Variants in CFAP20DC observed in about 807,000 individuals in gnomAD.
CFAP20DC encodes protein CFAP20DC.
Under a neutral mutation model 101.7 loss-of-function variants are expected in CFAP20DC, and 84 were observed. That is an observed-to-expected ratio of 0.83 (90% CI 0.69 to 0.99). The LOEUF (loss-of-function observed/expected upper bound fraction) is 0.99, where lower values mean the gene tolerates loss of function less well. Ranked by LOEUF, CFAP20DC falls within the 50% of genes least tolerant of loss-of-function variation. CFAP20DC has a pLI of 0.00. For synonymous variants in CFAP20DC, 359 were observed against 351.2 expected (o/e 1.02, Z -0.25); for missense variants, 1,007 against 970.3 (o/e 1.04, Z -0.50).
At chr3:58,934,005 C>G in intron 5 of CFAP20DC, among the ~76,000 whole-genome samples, 1 of 151,852 alleles carries the variant, frequency 6.6e-6, no homozygotes, top group East Asian at 1.9e-4. Flanking sequence ...AAAGGATCAA[C>G]AAAATTGATA....
Position 58,884,808 on chromosome 3 carries a change from G to A in CFAP20DC, c.551-99C>T, listed in dbSNP as rs573127042. ...ATCAATTAAAATTAAAGATTTTAGC[G>A]TATGACTTTGTACGAGTTATTCAAC... On this transcript the variant is annotated intron_variant, in intron 6 of 16. Transcript: ENST00000482387. 35 of 974,050 alleles carry A rather than the reference G, an allele frequency of 3.6e-5. No homozygotes were observed. In the Middle Eastern group the frequency reaches 6.8e-4, roughly 19 times the overall value. 60.3% of individuals were successfully genotyped at this position (974,050 alleles called of 1,614,324 possible).
In CFAP20DC at chr3:58,914,960, T is replaced by C. The variant is rs2084524243; in HGVS notation, c.394-1096A>G. 1.3e-5 allele frequency: 2 copies of C among 152,128 alleles called. No individual in the cohort carries two copies. The highest frequency in any genetic ancestry group is 1.5e-5 in the Non-Finnish European group (1 of 68,040). 9.4% of individuals were successfully genotyped at this position (152,128 alleles called of 1,614,324 possible). On this transcript the variant is annotated intron_variant, in intron 5 of 16. Coordinates refer to ENST00000482387, the MANE Select transcript of CFAP20DC (RefSeq NM_001394063.1). The surrounding 1 kb of genome is among the most constrained non-coding windows in gnomAD (Gnocchi z 4.9). ...AACTGAGAGTCAAGTAATAGTGTGA[T>C]TGGCTTGACTGGCAGAATGGTGAAC...
At chr3:58,980,713 A>G (rs2092498671) in intron 4 of CFAP20DC, among the ~76,000 whole-genome samples, 1 of 152,220 alleles carries the variant, frequency 6.6e-6, no homozygotes, top group Non-Finnish European at 1.5e-5. Context: ...TCTCAAAATA[A>G]TAAGAGCCAT....
At chr3:58,963,058 A>C (rs2091266631) in intron 4 of CFAP20DC, among the ~76,000 whole-genome samples, 1 of 152,054 alleles carries the variant, frequency 6.6e-6, no homozygotes, top group South Asian at 2.1e-4. Context: ...AAATCAAGTC[A>C]GCTCGCTCTG....
In CFAP20DC at chr3:59,041,318, AAG is replaced by A. The variant is rs553118684; in HGVS notation, c.206-1691_206-1690del. Among the ~76,000 whole-genome samples, 15 of 152,282 alleles carry A rather than the reference AAG, an allele frequency of 9.9e-5. 1 individual carries two copies. The South Asian group carries it at 3.1e-3, about 32-fold the overall frequency. On this transcript the variant is annotated intron_variant, in intron 3 of 16. Transcript: ENST00000482387. The stretch of plus-strand genomic sequence containing the variant: ...ATAAAAGAGTTCTTACCCTCAAAAA[AAG>A]AAAGTTTTGTAATTCAACTTTCTCA...
chr3:58,840,892 G>A lies in CFAP20DC; in HGVS notation c.1971+8140C>T, dbSNP rs1575847909. Among the ~76,000 whole-genome samples the A allele has an allele frequency of 3.9e-5, 6 of 152,306 alleles. No individual in the cohort carries two copies. The East Asian group carries it at 1.2e-3, about 29-fold the overall frequency. On this transcript the variant is annotated intron_variant, in intron 13 of 16. Coordinates refer to ENST00000482387, the MANE Select transcript of CFAP20DC (RefSeq NM_001394063.1). ...CAAGACATTAAGAAATGTGTCCAAGGTTGCATAGATAAGAAAGAACAAAGC... is the reference window on the plus strand; with the variant it reads ...CAAGACATTAAGAAATGTGTCCAAGATTGCATAGATAAGAAAGAACAAAGC...
rs1319652128 is a variant in CFAP20DC, at chr3:58,742,136, TTGAA to T, written c.*320_*323del. ...TTTACAGATTAACACTGCAAAAAAT[TTGAA>T]TGAATAACTCTTAATTTGTTTACAT... On this transcript the variant is annotated 3_prime_UTR_variant, in exon 17 of 17. Coordinates refer to ENST00000482387, the MANE Select transcript of CFAP20DC (RefSeq NM_001394063.1). The T allele has an allele frequency of 1.5e-5, 14 of 923,856 alleles. No individual in the cohort carries two copies. The highest frequency in any genetic ancestry group is 5.5e-4 in the Middle Eastern group (1 of 1,810). 57.2% of individuals were successfully genotyped at this position (923,856 alleles called of 1,614,324 possible). A position where few individuals can be genotyped will look rare whatever the true frequency, so the allele number is the denominator to read the frequency against.
chr3:58,937,244 C>T (rs139990479), intron 5 of CFAP20DC, among the ~76,000 whole-genome samples: 20 of 152,292 alleles, frequency 1.3e-4, no homozygotes, highest in Non-Finnish European at 2.6e-4. Flanking sequence ...CCAGCGTCCA[C>T]GCTTCTGTCC....
At chr3:58,906,200 G>T (rs17059941) in intron 6 of CFAP20DC, among the ~76,000 whole-genome samples, 16,439 of 152,132 alleles carry the variant, frequency 0.11, 2,913 homozygotes, top group African/African-American at 0.37. Flanking sequence ...GCTGTAATCA[G>T]CACCACAATC....
At chr3:59,012,396 T>G (rs2093603835) in intron 4 of CFAP20DC, among the ~76,000 whole-genome samples, 1 of 150,076 alleles carries the variant, frequency 6.7e-6, no homozygotes, top group Admixed American at 6.7e-5. Context: ...AAGAAAGGAG[T>G]GAAGACTGGA....
chr3:58,870,926 A>G (rs1426832542), intron 7 of CFAP20DC, among the ~76,000 whole-genome samples: 3 of 142,712 alleles, frequency 2.1e-5, no homozygotes, highest in African/African-American at 5.5e-5. Flanking sequence ...AAAAAAAAAG[A>G]AAAAAGGAAA....
intron 15 of CFAP20DC, among the ~76,000 whole-genome samples, chr3:58,775,229 G>T (rs1364408607): frequency 6.6e-6 from 1 of 152,196 alleles, no homozygotes; most frequent in Non-Finnish European, 1.5e-5. Flanking sequence ...GGGCTTTCAG[G>T]TCACAGGTAG....
At chr3:58,996,123 T>TA (rs1240410181) in intron 4 of CFAP20DC, among the ~76,000 whole-genome samples, 1 of 152,164 alleles carries the variant, frequency 6.6e-6, no homozygotes, top group African/African-American at 2.4e-5. Context: ...AGTGTTTACT[T>TA]ACAATATTCC....
At chr3:58,775,292 T>C (rs766257562) in intron 15 of CFAP20DC, among the ~76,000 whole-genome samples, 3 of 152,108 alleles carry the variant, frequency 2.0e-5, no homozygotes, top group Non-Finnish European at 4.4e-5. Context: ...TTTTCCAAAG[T>C]AGACAATCAG....
At chr3:58,991,199 A>C (rs2092925996) in intron 4 of CFAP20DC, among the ~76,000 whole-genome samples, 1 of 152,184 alleles carries the variant, frequency 6.6e-6, no homozygotes, top group South Asian at 2.1e-4. Context: ...ACATTATATA[A>C]ATTCCAATTG....
At chr3:58,876,446 CTTT>C (rs1165047925) in intron 7 of CFAP20DC, among the ~76,000 whole-genome samples, 1 of 151,920 alleles carries the variant, frequency 6.6e-6, no homozygotes, top group Admixed American at 6.6e-5. Context: ...AAAAGGAGCT[CTTT>C]TAAGAGCTGA....
chr3:58,816,115 G>A (rs1199771190), intron 14 of CFAP20DC, among the ~76,000 whole-genome samples: 3 of 151,756 alleles, frequency 2.0e-5, no homozygotes, highest in Non-Finnish European at 2.9e-5. Flanking sequence ...CAACCCAAAT[G>A]TCCAACAATG....
chr3:58,910,561 G>T (rs2084047388), intron 6 of CFAP20DC, among the ~76,000 whole-genome samples: 1 of 151,870 alleles, frequency 6.6e-6, no homozygotes, highest in Non-Finnish European at 1.5e-5. Context: ...TATCTTTCCT[G>T]TTCTAAAATT....
chr3:58,884,202 C>T (rs1250029228), intron 7 of CFAP20DC, among the ~76,000 whole-genome samples: 4 of 152,184 alleles, frequency 2.6e-5, no homozygotes, highest in Non-Finnish European at 5.9e-5. Context: ...CTACAACTCC[C>T]TCACAGGGGC....
Sources: gnomAD v4.1 joint callset for allele counts (sites outside exome capture counted in the v4.1 genomes callset) on GRCh38, gnomAD v4.1.1 for gene constraint, Gnocchi (gnomAD v3.1) non-coding constraint, MANE v1.5 for transcripts, NCBI Gene and HGNC (gene_info 2026-07-23, HGNC 2026-07-21) for gene names.